LAMC3: variants seen among roughly 807,000 people sequenced by gnomAD.
The protein encoded by LAMC3 is laminin subunit gamma 3, also known as laminin subunit gamma-3.
LAMC3 carries 128 observed loss-of-function variants against 173.8 expected under a neutral mutation model. The ratio of observed to expected loss-of-function variants is 0.74; its 90% CI spans 0.64 to 0.85. The LOEUF (loss-of-function observed/expected upper bound fraction) is 0.85. LAMC3 is among the 40% of genes least tolerant of loss of function. The pLI, the probability that LAMC3 is intolerant of heterozygous loss-of-function variation, is 0.00. For missense variants in LAMC3, 2,022 were observed against 2,156.0 expected (o/e 0.94, Z 1.23); for synonymous variants, 897 against 909.1 (o/e 0.99, Z 0.24).
At chr9:131,014,292 G>A (rs1392699355) in intron 1 of LAMC3, among the ~76,000 whole-genome samples, 3 of 152,192 alleles carry the variant, frequency 2.0e-5, no homozygotes, top group Admixed American at 6.5e-5. Flanking sequence ...CTGTGGCTTC[G>A]GCCCAGCGCA....
At chr9:131,062,332 G>C (rs1342067226) in intron 13 of LAMC3, among the ~76,000 whole-genome samples, 4 of 152,122 alleles carry the variant, frequency 2.6e-5, no homozygotes, top group African/African-American at 4.8e-5. Flanking sequence ...CTGCACTCCA[G>C]CCGGGGCAAC....
chr9:131,050,065 G>A (rs940470028), intron 9 of LAMC3, among the ~76,000 whole-genome samples: 1 of 152,248 alleles, frequency 6.6e-6, no homozygotes, highest in African/African-American at 2.4e-5. Context: ...CAAAGGCGTC[G>A]GGCCCCTCGT....
At chr9:131,019,767 T>A (rs2133215020) in intron 1 of LAMC3, among the ~76,000 whole-genome samples, 1 of 152,136 alleles carries the variant, frequency 6.6e-6, no homozygotes, top group Non-Finnish European at 1.5e-5. Flanking sequence ...GAGAAGGGGC[T>A]GCCTAGGAAG....
intron 17 of LAMC3, 120 bp downstream of exon 17, chr9:131,069,970 C>A: frequency 1.9e-6 from 2 of 1,038,288 alleles, no homozygotes; most frequent in Non-Finnish European, 2.9e-6. Flanking sequence ...TGCAAGCCCA[C>A]CACCTACCTT....
intron 9 of LAMC3, among the ~76,000 whole-genome samples, chr9:131,051,982 C>T (rs1042204081): frequency 3.3e-5 from 5 of 152,186 alleles, no homozygotes; most frequent in Non-Finnish European, 7.3e-5. Flanking sequence ...TTTCCGAGTT[C>T]AGGGCAAGTT....
intron 13 of LAMC3, among the ~76,000 whole-genome samples, chr9:131,063,540 G>A (rs146601824): frequency 1.0e-3 from 159 of 152,334 alleles, no homozygotes; most frequent in African/African-American, 3.2e-3. Context: ...TCTGGGCCCC[G>A]GGAGGGCCTA....
At chr9:131,074,563 G>A (rs1159091003) in intron 20 of LAMC3, among the ~76,000 whole-genome samples, 3 of 146,288 alleles carry the variant, frequency 2.1e-5, no homozygotes, top group Admixed American at 2.0e-4. Flanking sequence ...AGGCATGGTG[G>A]CACACACCTA....
Position 131,029,426 on chromosome 9 carries a change from C to T in LAMC3, c.679-2619C>T, listed in dbSNP as rs117273423. On this transcript the variant is annotated intron_variant, in intron 2 of 27. Coordinates refer to ENST00000361069, the MANE Select transcript of LAMC3 (RefSeq NM_006059.4). This position sits in a 1 kb window ranked among gnomAD's most constrained non-coding sequence, Gnocchi z 4.6. ...GCTCCCACCTGCGTCTGTGCAGCCA[C>T]CACCGTGGGGACACCCTTGGCTGTT... Among the ~76,000 whole-genome samples the T allele has an allele frequency of 6.6e-6, 1 of 152,346 alleles. No homozygotes were observed. The highest frequency in any genetic ancestry group is 1.9e-4 in the East Asian group (1 of 5,180).
At position 131,093,767 on chromosome 9, in the gene LAMC3, CTG is replaced by C. The variant is rs1410628326; in HGVS notation, c.*1984_*1985del. 6.6e-6 allele frequency: 1 copy of C among 152,384 alleles called. No homozygotes were observed. Among genetic ancestry groups the C allele is most frequent in the East Asian group, 1.9e-4 (1 of 5,202 alleles). The allele number at this position is 152,384 out of a possible 1,614,324, so 9.4% of individuals were successfully genotyped here. A position where few individuals can be genotyped will look rare whatever the true frequency, so the allele number is the denominator to read the frequency against. Reference sequence around the variant, plus strand: ...CCCCCCTCCCGCCTCTCTTCTTGGTCTGTGTCTCTGCTCTCCTCTCCTGTATC... The same window carrying C: ...CCCCCCTCCCGCCTCTCTTCTTGGTCTGTCTCTGCTCTCCTCTCCTGTATC... On this transcript the variant is annotated 3_prime_UTR_variant, in exon 28 of 28. Coordinates refer to ENST00000361069, the MANE Select transcript of LAMC3 (RefSeq NM_006059.4).
At chr9:131,067,496 C>G (rs1829960774) in intron 14 of LAMC3, among the ~76,000 whole-genome samples, 1 of 152,140 alleles carries the variant, frequency 6.6e-6, no homozygotes, top group Non-Finnish European at 1.5e-5. Flanking sequence ...TATGGCTGAC[C>G]CGGTGATCGC....
chr9:131,047,577 C>T (rs1834193993), intron 8 of LAMC3, among the ~76,000 whole-genome samples: 3 of 150,956 alleles, frequency 2.0e-5, no homozygotes, highest in African/African-American at 2.4e-5. Context: ...TGTGGCTGGG[C>T]GCAGTGGCTC....
At chr9:131,019,070 C>A (rs1410586852) in intron 1 of LAMC3, among the ~76,000 whole-genome samples, 1 of 152,220 alleles carries the variant, frequency 6.6e-6, no homozygotes, top group African/African-American at 2.4e-5. Context: ...TGAGACTAGC[C>A]TGGCCTACAT....
intron 4 of LAMC3, 107 bp downstream of exon 4, chr9:131,036,439 C>A: frequency 7.9e-7 from 1 of 1,264,982 alleles, no homozygotes. Context: ...GGGTACGCCC[C>A]GGGGGCAGCT....
chr9:131,012,379 C>T (rs540493009), intron 1 of LAMC3, among the ~76,000 whole-genome samples: 65 of 152,342 alleles, frequency 4.3e-4, no homozygotes, highest in Admixed American at 7.8e-4. Flanking sequence ...TCGCCACTTC[C>T]TGAGCAGCTG....
intron 3 of LAMC3, among the ~76,000 whole-genome samples, chr9:131,032,602 TTCTCTCTC>T (rs148698819): frequency 5.9e-5 from 7 of 118,796 alleles, no homozygotes; most frequent in East Asian, 2.3e-4. Context: ...CTCACTCGCT[TTCTCTCTC>T]TCTCTCTCTC....
intron 21 of LAMC3, among the ~76,000 whole-genome samples, chr9:131,076,276 C>A (rs898092107): frequency 6.6e-6 from 1 of 152,160 alleles, no homozygotes; most frequent in East Asian, 1.9e-4. Flanking sequence ...CCCCCTGGCC[C>A]CGGCGCCCCA....
At chr9:131,064,554 G>A (rs886766811) in intron 13 of LAMC3, among the ~76,000 whole-genome samples, 1 of 151,524 alleles carries the variant, frequency 6.6e-6, no homozygotes, top group Non-Finnish European at 1.5e-5. Flanking sequence ...TCCCAGCTAC[G>A]CGGGAGGCTG....
intron 9 of LAMC3, among the ~76,000 whole-genome samples, chr9:131,051,813 AG>A (rs1834291419): frequency 2.4e-5 from 1 of 42,504 alleles, no homozygotes; most frequent in Non-Finnish European, 5.3e-5. Flanking sequence ...GGAAAGGAGG[AG>A]GGAGGGTACT....
chr9:131,022,980 G>T (rs967028689), intron 1 of LAMC3, among the ~76,000 whole-genome samples: 1 of 152,040 alleles, frequency 6.6e-6, no homozygotes, highest in African/African-American at 2.4e-5. Context: ...TCTCCTTCCT[G>T]TCTCTGTGGA....
Sources: gnomAD v4.1 joint callset for allele counts (sites outside exome capture counted in the v4.1 genomes callset) on GRCh38, gnomAD v4.1.1 for gene constraint, Gnocchi (gnomAD v3.1) non-coding constraint, MANE v1.5 for transcripts, NCBI Gene and HGNC (gene_info 2026-07-23, HGNC 2026-07-21) for gene names.